The following HHAT variants were observed in gnomAD, a reference collection of about 807,000 sequenced individuals.
The protein encoded by HHAT is hedgehog acyltransferase.
A neutral mutation model predicts 70.8 loss-of-function variants in HHAT; 47 were observed. That is an observed-to-expected ratio of 0.66 (90% confidence interval 0.53 to 0.85). HHAT has a LOEUF of 0.85. HHAT is among the 40% of genes least tolerant of loss of function. The pLI is 0.00. For missense variants in HHAT, 609 were observed against 604.8 expected (o/e 1.01, Z -0.07); for synonymous variants, 228 against 247.6 (o/e 0.92, Z 0.74).
In HHAT at chr1:210,623,718, G is replaced by T. The variant is rs756717954; in HGVS notation, c.1390+48G>T. The T allele has an allele frequency of 5.7e-6, 9 of 1,583,668 alleles. No homozygotes were observed. The Admixed American group carries it at 1.5e-4, about 27-fold the overall frequency. ...TTTCAGTCAGTTTCTTGTTTTCCAT[G>T]TATGCGGATGGGATCATACATGGGA... On this transcript the variant is annotated intron_variant, in intron 11 of 11. Transcript: ENST00000261458.
intron 5 of HHAT, among the ~76,000 whole-genome samples, chr1:210,401,344 C>T (rs1159199793): frequency 6.6e-6 from 1 of 152,174 alleles, no homozygotes. Context: ...AAACTCCTGG[C>T]TTCATGTGAT....
rs73073784 is a variant in HHAT, at chr1:210,437,195, A to C, written c.856+18870A>C. 8.5e-4 allele frequency among the ~76,000 whole-genome samples: 130 copies of C among 152,054 alleles called. 3 individuals are homozygous for C. Among genetic ancestry groups the C allele is most frequent in the African/African-American group, 3.1e-3 (127 of 41,290 alleles). Reference sequence around the variant, plus strand: ...GATGATGTATATGGGAACCTTTGATAGACTATTCTGTAAGGCTAACTGCTT... The same window carrying C: ...GATGATGTATATGGGAACCTTTGATCGACTATTCTGTAAGGCTAACTGCTT... On this transcript the variant is annotated intron_variant, in intron 7 of 11. Coordinates refer to ENST00000261458, the MANE Select transcript of HHAT (RefSeq NM_018194.6).
At chr1:210,508,494 A>G (rs1485797983) in intron 8 of HHAT, among the ~76,000 whole-genome samples, 4 of 143,980 alleles carry the variant, frequency 2.8e-5, no homozygotes, top group African/African-American at 1.0e-4. Context: ...AGTTTTAAAT[A>G]TGTTTGGTTT....
chr1:210,572,047 A>G (rs545135051), intron 9 of HHAT, among the ~76,000 whole-genome samples: 1 of 152,294 alleles, frequency 6.6e-6, no homozygotes, highest in Non-Finnish European at 1.5e-5. Context: ...GCGTGGGATG[A>G]TGGTCTTGCT....
intron 9 of HHAT, among the ~76,000 whole-genome samples, chr1:210,570,799 G>A (rs1048603696): frequency 4.6e-5 from 7 of 152,168 alleles, no homozygotes; most frequent in East Asian, 1.9e-4. Context: ...ATAAGGTGAC[G>A]CAGCAGGAAA....
intron 6 of HHAT, among the ~76,000 whole-genome samples, chr1:210,404,901 C>T (rs558410768): frequency 6.6e-6 from 1 of 152,140 alleles, no homozygotes; most frequent in African/African-American, 2.4e-5. Flanking sequence ...TCTAGGGGGT[C>T]CCACCTTGAT....
chr1:210,635,416 A>G (rs1004804031), intron 11 of HHAT, among the ~76,000 whole-genome samples: 3 of 152,198 alleles, frequency 2.0e-5, no homozygotes, highest in Non-Finnish European at 4.4e-5. Context: ...GGCAGGAACT[A>G]CAAGGATTTT....
chr1:210,342,412 G>A (rs377414631), intron 1 of HHAT, among the ~76,000 whole-genome samples: 2 of 152,184 alleles, frequency 1.3e-5, no homozygotes, highest in East Asian at 3.9e-4. Context: ...CCACACTGGG[G>A]AAGTGTTCTT....
intron 1 of HHAT, among the ~76,000 whole-genome samples, chr1:210,346,337 CA>C (rs1304232371): frequency 6.6e-6 from 1 of 152,292 alleles, no homozygotes; most frequent in South Asian, 2.1e-4. Context: ...CATCTTTTGA[CA>C]GGCGAGACAT....
chr1:210,520,102 G>A (rs2095131756), intron 9 of HHAT, among the ~76,000 whole-genome samples: 1 of 151,882 alleles, frequency 6.6e-6, no homozygotes, highest in Non-Finnish European at 1.5e-5. Flanking sequence ...TGTAACCTCT[G>A]CCTCCTGGAT....
chr1:210,667,186 C>T (rs1679086384), intron 11 of HHAT, among the ~76,000 whole-genome samples: 1 of 151,992 alleles, frequency 6.6e-6, no homozygotes, highest in Non-Finnish European at 1.5e-5. Context: ...AGTTCAAGAC[C>T]AGCCTGACCA....
intron 8 of HHAT, among the ~76,000 whole-genome samples, chr1:210,488,539 T>G (rs185724487): frequency 6.6e-6 from 1 of 152,296 alleles, no homozygotes; most frequent in African/African-American, 2.4e-5. Context: ...GCCCAAACAA[T>G]GCCTAGCACC....
chr1:210,469,338 C>A (rs1411251594), intron 8 of HHAT, among the ~76,000 whole-genome samples: 1 of 152,112 alleles, frequency 6.6e-6, no homozygotes, highest in Non-Finnish European at 1.5e-5. Context: ...ACCATCTTGT[C>A]ACTAGATGAT....
intron 10 of HHAT, among the ~76,000 whole-genome samples, chr1:210,614,694 G>A (rs1019888547): frequency 1.9e-4 from 29 of 152,078 alleles, no homozygotes; most frequent in African/African-American, 3.9e-4. Flanking sequence ...AGTTTGCTGA[G>A]AATGATGGTT....
At chr1:210,404,707 A>T (rs1328440675) in intron 6 of HHAT, 28 bp downstream of exon 6, 2 of 1,572,142 alleles carry the variant, frequency 1.3e-6, no homozygotes, top group Admixed American at 3.3e-5. Flanking sequence ...TGGGATTGGG[A>T]TTCTATAGCT....
At chr1:210,645,568 T>C (rs189684501) in intron 11 of HHAT, among the ~76,000 whole-genome samples, 1 of 152,242 alleles carries the variant, frequency 6.6e-6, no homozygotes, top group Non-Finnish European at 1.5e-5. Flanking sequence ...TTTTGACAAG[T>C]TGATATACCT....
intron 10 of HHAT, among the ~76,000 whole-genome samples, chr1:210,619,269 C>A (rs558694651): frequency 6.6e-6 from 1 of 152,154 alleles, no homozygotes; most frequent in Non-Finnish European, 1.5e-5. Context: ...TTCTAATGAG[C>A]CCCACCTCCC....
At chr1:210,651,529 C>A (rs550246164) in intron 11 of HHAT, among the ~76,000 whole-genome samples, 1 of 152,194 alleles carries the variant, frequency 6.6e-6, no homozygotes, top group African/African-American at 2.4e-5. Flanking sequence ...CTGAAGGGTA[C>A]CCTGCGGCTT....
chr1:210,597,854 A>G (rs900507385), intron 10 of HHAT, among the ~76,000 whole-genome samples: 2 of 151,864 alleles, frequency 1.3e-5, no homozygotes, highest in African/African-American at 2.4e-5. Flanking sequence ...GCTGCAAAAC[A>G]AAGTCCTCTT....
Sources: gnomAD v4.1 joint callset for allele counts (sites outside exome capture counted in the v4.1 genomes callset) on GRCh38, gnomAD v4.1.1 for gene constraint, MANE v1.5 for transcripts, NCBI Gene and HGNC (gene_info 2026-07-23, HGNC 2026-07-21) for gene names.